ROBO2: variants seen among roughly 807,000 people sequenced by gnomAD.
The protein encoded by ROBO2 is roundabout homolog 2.
A neutral mutation model predicts 160.8 loss-of-function variants in ROBO2; 53 were observed. That is an observed-to-expected ratio of 0.33 (90% CI 0.26 to 0.41). ROBO2 has a LOEUF of 0.41. Among genes scored for constraint, ROBO2 ranks in the 10% least tolerant of loss-of-function variants. The probability of loss-of-function intolerance (pLI) is 1.00; values close to 1 mark genes in which losing one functional copy is unlikely to be tolerated. For synonymous variants in ROBO2, 664 were observed against 611.7 expected (o/e 1.09, Z -1.26); for missense variants, 1,577 against 1,722.4 (o/e 0.92, Z 1.49).
At chr3:77,157,367 ATTCAGC>A (rs1301042544) in intron 2 of ROBO2, among the ~76,000 whole-genome samples, 1 of 152,104 alleles carries the variant, frequency 6.6e-6, no homozygotes, top group Non-Finnish European at 1.5e-5. Context: ...TGTAAACTAT[ATTCAGC>A]TTCATTGTCT....
At chr3:75,926,270 G>T (rs1357660931) in intron 1 of ROBO2, among the ~76,000 whole-genome samples, 1 of 152,178 alleles carries the variant, frequency 6.6e-6, no homozygotes, top group East Asian at 1.9e-4. Flanking sequence ...TTTAAGTTCA[G>T]GGGTACAAGT....
At chr3:76,683,249 ATAACT>A (rs1288008219) in intron 2 of ROBO2, among the ~76,000 whole-genome samples, 4 of 152,140 alleles carry the variant, frequency 2.6e-5, no homozygotes, top group African/African-American at 7.2e-5. Flanking sequence ...TACTTTGAAA[ATAACT>A]TAAGACACTT....
intron 2 of ROBO2, among the ~76,000 whole-genome samples, chr3:76,331,797 TC>T (rs2073507476): frequency 6.6e-6 from 1 of 151,682 alleles, no homozygotes; most frequent in Non-Finnish European, 1.5e-5. Context: ...AATTCTCCTG[TC>T]TCAGCCTCCC....
intron 2 of ROBO2, among the ~76,000 whole-genome samples, chr3:76,563,592 C>T (rs1246710943): frequency 6.6e-6 from 1 of 152,052 alleles, no homozygotes; most frequent in African/African-American, 2.4e-5. Context: ...TCTTACTCAT[C>T]AATTGTTTAT....
intron 2 of ROBO2, among the ~76,000 whole-genome samples, chr3:76,240,220 T>C (rs1705203224): frequency 6.6e-6 from 1 of 152,076 alleles, no homozygotes; most frequent in Non-Finnish European, 1.5e-5. Context: ...CCATAGTGGT[T>C]TGCTGCACCC....
intron 2 of ROBO2, among the ~76,000 whole-genome samples, chr3:76,411,891 G>A (rs1012227223): frequency 4.6e-5 from 7 of 152,274 alleles, no homozygotes; most frequent in Middle Eastern, 3.4e-3. Context: ...GTGGAAATGG[G>A]CCATCCTCTG....
At chr3:76,002,513 G>A (rs616438) in intron 2 of ROBO2, among the ~76,000 whole-genome samples, 111,598 of 151,868 alleles carry the variant, frequency 0.73, 42,966 homozygotes, top group South Asian at 0.89. Context: ...TGGTGAATGA[G>A]TCTCACAAGA....
chr3:76,008,328 G>A (rs1305800025), intron 2 of ROBO2, among the ~76,000 whole-genome samples: 1 of 150,810 alleles, frequency 6.6e-6, no homozygotes, highest in Non-Finnish European at 1.5e-5. Context: ...TCTAATTTGT[G>A]CTTTTCTTTT....
intron 2 of ROBO2, among the ~76,000 whole-genome samples, chr3:75,947,935 A>G (rs913355723): frequency 2.5e-4 from 38 of 152,254 alleles, no homozygotes; most frequent in African/African-American, 9.1e-4. Flanking sequence ...ATCTTTAGAT[A>G]AAGAGGAAGT....
chr3:76,785,863 T>G (rs1372679278), intron 2 of ROBO2, among the ~76,000 whole-genome samples: 2 of 151,350 alleles, frequency 1.3e-5, no homozygotes, highest in African/African-American at 4.8e-5. Context: ...ATATTCAGAT[T>G]AATTTGGATC....
At chr3:77,111,407 CATT>C (rs2073560819) in intron 2 of ROBO2, among the ~76,000 whole-genome samples, 1 of 152,140 alleles carries the variant, frequency 6.6e-6, no homozygotes, top group African/African-American at 2.4e-5. Flanking sequence ...CTTAAGTAGA[CATT>C]AATAATATAC....
At chr3:76,670,099 T>A (rs953136139) in intron 2 of ROBO2, among the ~76,000 whole-genome samples, 1 of 152,166 alleles carries the variant, frequency 6.6e-6, no homozygotes, top group African/African-American at 2.4e-5. Flanking sequence ...ATTTGATAAC[T>A]CTCATTTGTT....
chr3:75,927,374 G>T (rs1947330843), intron 1 of ROBO2, among the ~76,000 whole-genome samples: 2 of 152,068 alleles, frequency 1.3e-5, no homozygotes, highest in African/African-American at 4.8e-5. Flanking sequence ...TTACTTTTTA[G>T]CAGGATAAGT....
rs1368155133 is a variant in ROBO2 at position 76,033,566 on chromosome 3, G to T, written c.109+95964G>T. Among the ~76,000 whole-genome samples, 6 of 152,298 alleles carry T rather than the reference G, an allele frequency of 3.9e-5. No homozygotes were observed. The East Asian group carries it at 9.7e-4, about 25-fold the overall frequency. Reference sequence around the variant, plus strand: ...TTTTACACTGAAAAGTTAGCAATAAGCATTTTACTACTCATTGTTATTTAT... The same window carrying T: ...TTTTACACTGAAAAGTTAGCAATAATCATTTTACTACTCATTGTTATTTAT... On this transcript the variant is annotated intron_variant, in intron 2 of 26. Coordinates refer to the ROBO2 transcript ENST00000487694.
Position 76,561,170 on chromosome 3 carries a change from G to A in ROBO2, c.110-536844G>A, listed in dbSNP as rs371991549. Among the ~76,000 whole-genome samples the A allele has an allele frequency of 2.9e-4, 44 of 151,430 alleles. 2 individuals carry two copies. The highest frequency in any genetic ancestry group is 2.7e-3 in the South Asian group (13 of 4,796). On this transcript the variant is annotated intron_variant, in intron 2 of 26. Transcript: ENST00000487694. ...CATGTTCCAACCTTAACTAGATAACGTATATTCTCAAAGATATTATTTTTA... is the reference window on the plus strand; with the variant it reads ...CATGTTCCAACCTTAACTAGATAACATATATTCTCAAAGATATTATTTTTA...
At chr3:76,809,491 G>C (rs1231464844) in intron 2 of ROBO2, among the ~76,000 whole-genome samples, 1 of 152,100 alleles carries the variant, frequency 6.6e-6, no homozygotes, top group Admixed American at 6.6e-5. Context: ...GCATATTCAA[G>C]GATGCGATTA....
chr3:77,404,674 A>G (rs1344189774), intron 2 of ROBO2, among the ~76,000 whole-genome samples: 3 of 152,184 alleles, frequency 2.0e-5, no homozygotes, highest in Admixed American at 2.0e-4. Flanking sequence ...AATGGGGGAT[A>G]GGGGAACTTA....
At chr3:76,567,882 A>T (rs2108565701) in intron 2 of ROBO2, among the ~76,000 whole-genome samples, 1 of 141,416 alleles carries the variant, frequency 7.1e-6, no homozygotes, top group African/African-American at 2.7e-5. Flanking sequence ...TGGGAGGATC[A>T]TGGCTCACTT....
intron 5 of ROBO2, among the ~76,000 whole-genome samples, chr3:77,520,532 C>G (rs971901836): frequency 3.3e-5 from 5 of 151,008 alleles, no homozygotes; most frequent in Admixed American, 3.3e-4. Context: ...CTTTTATTAA[C>G]TTGGAATCAT....
Sources: allele counts gnomAD v4.1 joint callset (sites outside exome capture counted in the v4.1 genomes callset), GRCh38; gene constraint gnomAD v4.1.1; transcripts MANE v1.5; gene names NCBI Gene and HGNC (gene_info 2026-07-23, HGNC 2026-07-21).